The following ADGRL2 variants were observed in gnomAD, a reference collection of about 807,000 sequenced individuals.
ADGRL2 encodes the protein adhesion G protein-coupled receptor L2.
A neutral mutation model predicts 157.4 loss-of-function variants in ADGRL2; 44 were observed. The ratio of observed to expected loss-of-function variants is 0.28; its 90% CI spans 0.22 to 0.36. The LOEUF is 0.36. Ranked by LOEUF, ADGRL2 falls within the 10% of genes least tolerant of loss-of-function variation. ADGRL2 has a pLI of 1.00. For synonymous variants in ADGRL2, 585 were observed against 624.7 expected, an observed-to-expected ratio of 0.94 and a Z score of 0.95; for missense variants, 1,510 against 1,768.9, an observed-to-expected ratio of 0.85 and a Z score of 2.63.
intron 2 of ADGRL2, among the ~76,000 whole-genome samples, chr1:81,889,235 C>T (rs919027724): frequency 6.6e-5 from 10 of 152,216 alleles, no homozygotes; most frequent in Non-Finnish European, 1.0e-4. Context: ...AAAGCTTAGA[C>T]AGAACGAAAT....
chr1:81,913,782 T>G (rs559180873), intron 3 of ADGRL2, among the ~76,000 whole-genome samples: 22 of 152,228 alleles, frequency 1.4e-4, no homozygotes, highest in Admixed American at 2.6e-4. Flanking sequence ...TAGAACAAGG[T>G]TGGATTATTT....
intron 6 of ADGRL2, among the ~76,000 whole-genome samples, chr1:81,945,606 C>A (rs1649553625): frequency 6.6e-6 from 1 of 152,008 alleles, no homozygotes; most frequent in Non-Finnish European, 1.5e-5. Flanking sequence ...TATATTCTAG[C>A]AAATAATTTG....
chr1:81,885,005 T>C (rs1405798792), intron 2 of ADGRL2, among the ~76,000 whole-genome samples: 1 of 152,158 alleles, frequency 6.6e-6, no homozygotes, highest in Non-Finnish European at 1.5e-5. Context: ...AATGGATTAG[T>C]TAAGGAAGTA....
At chr1:81,747,307 A>ATATT (rs1553148709) in intron 1 of ADGRL2, among the ~76,000 whole-genome samples, 41 of 143,562 alleles carry the variant, frequency 2.9e-4, no homozygotes, top group African/African-American at 9.0e-4. Flanking sequence ...ATATATATAT[A>ATATT]TTTTTTTTTT....
chr1:81,413,735 A>C (rs947297846), intron 1 of ADGRL2, among the ~76,000 whole-genome samples: 5 of 152,238 alleles, frequency 3.3e-5, no homozygotes, highest in African/African-American at 1.2e-4. Flanking sequence ...ATTTCCTTTT[A>C]CACTATCAGA....
intron 4 of ADGRL2, among the ~76,000 whole-genome samples, chr1:81,938,430 G>T (rs1166465398): frequency 6.6e-6 from 1 of 151,682 alleles, no homozygotes; most frequent in Non-Finnish European, 1.5e-5. Flanking sequence ...GCTATTTCTT[G>T]TGCTGTTTAA....
At chr1:81,324,725 CT>C (rs965337851) in intron 1 of ADGRL2, among the ~76,000 whole-genome samples, 161 of 150,984 alleles carry the variant, frequency 1.1e-3, no homozygotes, top group African/African-American at 3.7e-3. Context: ...GGTGAGGAAA[CT>C]TTTTTTTTGA....
chr1:81,985,525 G>A, intron 21 of ADGRL2, 170 bp downstream of exon 21: 3 of 432,638 alleles, frequency 6.9e-6, no homozygotes, highest in South Asian at 9.4e-5. Context: ...ATTATCCTAG[G>A]GAGTACAGAT....
At chr1:81,864,572 TG>T in intron 2 of ADGRL2, among the ~76,000 whole-genome samples, 1 of 152,218 alleles carries the variant, frequency 6.6e-6, no homozygotes, top group South Asian at 2.1e-4. Context: ...ATCTGTTATA[TG>T]AAAGTTTTAA....
intron 1 of ADGRL2, among the ~76,000 whole-genome samples, chr1:81,818,251 A>G (rs2090620294): frequency 6.6e-6 from 1 of 152,158 alleles, no homozygotes; most frequent in Non-Finnish European, 1.5e-5. Flanking sequence ...ATGTGGGTAC[A>G]ATCTCTTGAA....
chr1:81,722,625 A>T, intron 1 of ADGRL2: 1 of 1,421,658 alleles, frequency 7.0e-7, no homozygotes, highest in Non-Finnish European at 9.8e-7. Context: ...TTGCCTGTAA[A>T]TTGGATTACG....
chr1:81,747,593 T>G (rs955046529), intron 1 of ADGRL2, among the ~76,000 whole-genome samples: 1 of 152,016 alleles, frequency 6.6e-6, no homozygotes, highest in Non-Finnish European at 1.5e-5. Flanking sequence ...TGAGCCACCA[T>G]GCCCGGCCTC....
intron 1 of ADGRL2, among the ~76,000 whole-genome samples, chr1:81,714,635 C>T (rs571675638): frequency 1.3e-5 from 2 of 151,882 alleles, no homozygotes; most frequent in East Asian, 3.9e-4. Flanking sequence ...TTTAGAAAAC[C>T]CTGATTCAGT....
intron 19 of ADGRL2, among the ~76,000 whole-genome samples, chr1:81,983,991 A>C (rs1323257583): frequency 6.6e-6 from 1 of 152,076 alleles, no homozygotes; most frequent in Non-Finnish European, 1.5e-5. Context: ...GACACATCAG[A>C]AAATGAAGAA....
intron 2 of ADGRL2, among the ~76,000 whole-genome samples, chr1:81,789,701 CAAA>C (rs34269882): frequency 1.1e-4 from 10 of 88,468 alleles, no homozygotes; most frequent in Non-Finnish European, 1.4e-4. Context: ...GTCTCCGTCT[CAAA>C]AAAAAAAAAA....
At chr1:81,596,242 T>C (rs1331661858) in intron 3 of ADGRL2, 4 of 579,884 alleles carry the variant, frequency 6.9e-6, no homozygotes, top group Non-Finnish European at 1.3e-5. Context: ...TGCAAGTCAA[T>C]GAGTCGCTTG....
rs71085382 is a variant in ADGRL2, at chr1:81,993,087, A to ATTTTTTTTT, written c.*1966_*1974dup. 6.8e-5 allele frequency among the ~76,000 whole-genome samples: 2 copies of ATTTTTTTTT among 29,200 alleles called. No homozygotes were observed. Among genetic ancestry groups the ATTTTTTTTT allele is most frequent in the Non-Finnish European group, 1.1e-4 (2 of 18,336 alleles). 19.2% of individuals were successfully genotyped at this position (29,200 alleles called of 152,430 possible). A position where few individuals can be genotyped will look rare whatever the true frequency, so the allele number is the denominator to read the frequency against. ...TATATATATATATATATATATATAT[A>ATTTTTTTTT]TTTTTTTTTTTTTTTTTTTTTTTTT... On this transcript the variant is annotated 3_prime_UTR_variant, in exon 24 of 24. Coordinates refer to ENST00000686636, the MANE Select transcript of ADGRL2 (RefSeq NM_001366006.2).
chr1:81,391,174 C>G (rs368822718), intron 1 of ADGRL2, among the ~76,000 whole-genome samples: 1 of 151,950 alleles, frequency 6.6e-6, no homozygotes, highest in East Asian at 1.9e-4. Flanking sequence ...AAAATTGATT[C>G]ATTGATGCAG....
chr1:81,906,928 C>A, intron 2 of ADGRL2, 89 bp from the exon 3 acceptor site: 3 of 1,043,648 alleles, frequency 2.9e-6, no homozygotes, highest in Non-Finnish European at 4.2e-6. Flanking sequence ...TGACGATAGA[C>A]ATGAATCATA....
Sources: allele counts gnomAD v4.1 joint callset (sites outside exome capture counted in the v4.1 genomes callset), GRCh38; gene constraint gnomAD v4.1.1; transcripts MANE v1.5; gene names NCBI Gene and HGNC (gene_info 2026-07-23, HGNC 2026-07-21).